The following CCDC73 variants were observed in gnomAD, a reference collection of about 807,000 sequenced individuals.
CCDC73 encodes coiled-coil domain containing 73.
Under a neutral mutation model 116.5 loss-of-function variants are expected in CCDC73, and 95 were observed. That is an observed-to-expected ratio of 0.82 (90% CI 0.69 to 0.97). The LOEUF (loss-of-function observed/expected upper bound fraction) is 0.97, where lower values mean the gene tolerates loss of function less well. Among genes scored for constraint, CCDC73 ranks in the 50% least tolerant of loss-of-function variants. The probability of loss-of-function intolerance (pLI) is 0.00; values close to 1 mark genes in which losing one functional copy is unlikely to be tolerated. For synonymous variants in CCDC73, 398 were observed against 401.3 expected (o/e 0.99, Z 0.10); for missense variants, 1,066 against 1,206.8 (o/e 0.88, Z 1.73).
intron 10 of CCDC73, 77 bp downstream of exon 10, chr11:32,654,767 T>C: frequency 9.3e-7 from 1 of 1,075,278 alleles, no homozygotes; most frequent in South Asian, 2.0e-5. Context: ...CGGAGTATTT[T>C]TGTGTTACAA....
In CCDC73 at chr11:32,699,335, A is replaced by G. The variant is rs926815841; in HGVS notation, c.316-10T>C. 4 of 1,556,342 alleles carry G rather than the reference A, an allele frequency of 2.6e-6. No homozygotes were observed. Among genetic ancestry groups the G allele is most frequent in the Non-Finnish European group, 1.7e-6 (2 of 1,146,576 alleles). On this transcript the variant is annotated splice_polypyrimidine_tract_variant and intron_variant, in intron 5 of 17. Transcript: ENST00000335185. Reference sequence around the variant, plus strand: ...CAAGTTGATATTTTCCCTTTAAGTAAAAAACTGTATTTCAATACTTTCCAA... The same window carrying G: ...CAAGTTGATATTTTCCCTTTAAGTAGAAAACTGTATTTCAATACTTTCCAA...
chr11:32,694,990 C>G (rs1856295723), intron 6 of CCDC73, among the ~76,000 whole-genome samples: 1 of 152,118 alleles, frequency 6.6e-6, no homozygotes, highest in Admixed American at 6.6e-5. Flanking sequence ...TTTCAAAGAC[C>G]CTGATGCCTT....
intron 1 of CCDC73, among the ~76,000 whole-genome samples, chr11:32,785,886 T>G (rs551528342): frequency 6.6e-6 from 1 of 152,306 alleles, no homozygotes; most frequent in Admixed American, 6.5e-5. Flanking sequence ...CCTCATCTAT[T>G]AATACCAGGG....
chr11:32,700,390 T>C (rs918339356), intron 5 of CCDC73, among the ~76,000 whole-genome samples: 2 of 152,228 alleles, frequency 1.3e-5, no homozygotes, highest in Non-Finnish European at 2.9e-5. Flanking sequence ...TTGCAAGTCA[T>C]TTCCATATTT....
At chr11:32,706,815 A>G (rs995384787) in intron 3 of CCDC73, among the ~76,000 whole-genome samples, 4 of 152,162 alleles carry the variant, frequency 2.6e-5, no homozygotes, top group Non-Finnish European at 5.9e-5. Flanking sequence ...CCTTTACAAC[A>G]TCATGCCCAT....
chr11:32,653,031 T>C (rs1855839628), intron 12 of CCDC73, 92 bp downstream of exon 12: 2 of 725,580 alleles, frequency 2.8e-6, no homozygotes, highest in South Asian at 4.1e-5. Context: ...TCAATAAAAC[T>C]GGACAGAAAA....
At chr11:32,740,691 T>C (rs1001979279) in intron 2 of CCDC73, among the ~76,000 whole-genome samples, 3 of 151,946 alleles carry the variant, frequency 2.0e-5, no homozygotes, top group Non-Finnish European at 2.9e-5. Flanking sequence ...CTCTGATCTT[T>C]ATCATTTCTT....
intron 14 of CCDC73, among the ~76,000 whole-genome samples, chr11:32,617,555 G>A (rs1252142148): frequency 6.6e-6 from 1 of 152,220 alleles, no homozygotes; most frequent in Non-Finnish European, 1.5e-5. Flanking sequence ...CATCAGGAGA[G>A]TGCTGCAGCA....
the CCDC73 span, among the ~76,000 whole-genome samples, chr11:32,814,996 G>A: frequency 6.6e-6 from 1 of 152,246 alleles, no homozygotes; most frequent in African/African-American, 2.4e-5. Context: ...ACAGACAGAA[G>A]GGTGATTAAA....
At chr11:32,761,810 C>T (rs1332680885) in intron 1 of CCDC73, among the ~76,000 whole-genome samples, 1 of 152,132 alleles carries the variant, frequency 6.6e-6, no homozygotes, top group Non-Finnish European at 1.5e-5. Flanking sequence ...AACTGGCTTA[C>T]ACAATTGTGG....
At chr11:32,627,751 A>T (rs955542695) in intron 14 of CCDC73, among the ~76,000 whole-genome samples, 2 of 152,162 alleles carry the variant, frequency 1.3e-5, no homozygotes, top group African/African-American at 4.8e-5. Context: ...GTTCTCACTC[A>T]TAGGTGGGAA....
intron 9 of CCDC73, among the ~76,000 whole-genome samples, chr11:32,662,085 G>T (rs1373569625): frequency 6.6e-6 from 1 of 152,128 alleles, no homozygotes; most frequent in East Asian, 1.9e-4. Flanking sequence ...AGTCTATCGT[G>T]GTTGGACATT....
At chr11:32,667,301 T>C (rs1332410733) in intron 9 of CCDC73, among the ~76,000 whole-genome samples, 2 of 152,232 alleles carry the variant, frequency 1.3e-5, no homozygotes, top group Admixed American at 1.3e-4. Context: ...TGAGCTGTGG[T>C]GGGCTCCACC....
chr11:32,803,721 T>C, the CCDC73 span, among the ~76,000 whole-genome samples: 1 of 152,244 alleles, frequency 6.6e-6, no homozygotes, highest in Admixed American at 6.5e-5. Context: ...CTGCTAATCA[T>C]GTCTGGATAT....
At chr11:32,759,332 T>C (rs1261119669) in intron 2 of CCDC73, among the ~76,000 whole-genome samples, 1 of 149,922 alleles carries the variant, frequency 6.7e-6, no homozygotes, top group Non-Finnish European at 1.5e-5. Context: ...TTTTCCTTTT[T>C]TTTTTTTTTT....
chr11:32,689,716 T>G (rs1203938240), intron 6 of CCDC73, among the ~76,000 whole-genome samples: 1 of 151,812 alleles, frequency 6.6e-6, no homozygotes, highest in Non-Finnish European at 1.5e-5. Context: ...AAAAGATATA[T>G]CTAAGAAAAT....
At chr11:32,734,150 G>T (rs879794326) in intron 2 of CCDC73, among the ~76,000 whole-genome samples, 8 of 152,110 alleles carry the variant, frequency 5.3e-5, no homozygotes, top group Non-Finnish European at 8.8e-5. Context: ...ACACCTCTAC[G>T]CAAATAAACT....
intron 1 of CCDC73, among the ~76,000 whole-genome samples, chr11:32,783,015 T>C (rs1270403330): frequency 6.6e-6 from 1 of 151,976 alleles, no homozygotes; most frequent in Non-Finnish European, 1.5e-5. Context: ...GAAGAAATCA[T>C]CAAAAAGTTT....
chr11:32,718,816 G>T (rs762656765), intron 2 of CCDC73, among the ~76,000 whole-genome samples: 7 of 152,282 alleles, frequency 4.6e-5, no homozygotes, highest in Non-Finnish European at 7.4e-5. Context: ...GGAAGAGGAG[G>T]ACTGGGAGAA....
Sources: allele counts gnomAD v4.1 joint callset (sites outside exome capture counted in the v4.1 genomes callset), GRCh38; gene constraint gnomAD v4.1.1; transcripts MANE v1.5; gene names NCBI Gene and HGNC (gene_info 2026-07-23, HGNC 2026-07-21).